Variants in SH3RF3 observed in about 807,000 individuals in gnomAD.
SH3RF3 encodes E3 ubiquitin-protein ligase SH3RF3.
Under a neutral mutation model 66.3 loss-of-function variants are expected in SH3RF3, and 29 were observed. That is an observed-to-expected ratio of 0.44 (90% CI 0.33 to 0.60). SH3RF3 has a LOEUF of 0.60. Ranked by LOEUF, SH3RF3 falls within the 20% of genes least tolerant of loss-of-function variation. The pLI, the probability that SH3RF3 is intolerant of heterozygous loss-of-function variation, is 0.04. For synonymous variants in SH3RF3, 583 were observed against 532.0 expected, an observed-to-expected ratio of 1.10 and a Z score of -1.32; for missense variants, 1,194 against 1,190.9, an observed-to-expected ratio of 1.00 and a Z score of -0.04.
intron 9 of SH3RF3, among the ~76,000 whole-genome samples, chr2:109,494,042 T>C (rs1302352406): frequency 6.6e-6 from 1 of 152,186 alleles, no homozygotes; most frequent in African/African-American, 2.4e-5. Flanking sequence ...AGAGTTGGTC[T>C]GCCGGCTCGT....
chr2:109,330,745 A>G (rs1164989537), intron 1 of SH3RF3, among the ~76,000 whole-genome samples: 1 of 152,192 alleles, frequency 6.6e-6, no homozygotes, highest in African/African-American at 2.4e-5. Flanking sequence ...AGATGGGTGG[A>G]TAAAGATAAT....
intron 1 of SH3RF3, among the ~76,000 whole-genome samples, chr2:109,175,271 C>T (rs1574487930): frequency 6.6e-6 from 1 of 152,178 alleles, no homozygotes; most frequent in African/African-American, 2.4e-5. Flanking sequence ...TTCATCCTTT[C>T]CCCTATTGGC....
At chr2:109,393,374 G>C (rs769895232) in intron 3 of SH3RF3, among the ~76,000 whole-genome samples, 1 of 152,198 alleles carries the variant, frequency 6.6e-6, no homozygotes, top group African/African-American at 2.4e-5. Flanking sequence ...CAGCATCGTC[G>C]TCTCTTGGGA....
chr2:109,384,077 G>T (rs1032190219), intron 3 of SH3RF3, among the ~76,000 whole-genome samples: 2 of 152,188 alleles, frequency 1.3e-5, no homozygotes, highest in Non-Finnish European at 2.9e-5. Flanking sequence ...GGTTTCTGTT[G>T]GTGGCTTAGC....
At chr2:109,139,332 C>G (rs1676884900) in intron 1 of SH3RF3, among the ~76,000 whole-genome samples, 1 of 151,576 alleles carries the variant, frequency 6.6e-6, no homozygotes, top group Non-Finnish European at 1.5e-5. Context: ...TTACTGAGTT[C>G]ATGATGCCCA....
intron 1 of SH3RF3, among the ~76,000 whole-genome samples, chr2:109,131,870 A>G (rs991955673): frequency 2.0e-5 from 3 of 152,210 alleles, no homozygotes; most frequent in African/African-American, 7.2e-5. Context: ...ATAGACGAGC[A>G]CTTATTTAAC....
chr2:109,164,209 T>A (rs1677562365), intron 1 of SH3RF3, among the ~76,000 whole-genome samples: 1 of 152,118 alleles, frequency 6.6e-6, no homozygotes, highest in African/African-American at 2.4e-5. Flanking sequence ...GTTGGGGCCT[T>A]GCTCTGTTGC....
intron 1 of SH3RF3, among the ~76,000 whole-genome samples, chr2:109,337,560 G>T (rs1287960572): frequency 6.6e-6 from 1 of 152,200 alleles, no homozygotes; most frequent in Non-Finnish European, 1.5e-5. Flanking sequence ...CTGCCCAAGA[G>T]GTCTGTGGAG....
At chr2:109,147,964 A>C (rs1306171965) in intron 1 of SH3RF3, among the ~76,000 whole-genome samples, 1 of 152,136 alleles carries the variant, frequency 6.6e-6, no homozygotes, top group African/African-American at 2.4e-5. Flanking sequence ...ATTTCTGCTG[A>C]TCTTTACAGG....
chr2:109,390,075 C>T (rs757341589), intron 3 of SH3RF3, among the ~76,000 whole-genome samples: 9 of 152,138 alleles, frequency 5.9e-5, no homozygotes, highest in Non-Finnish European at 8.8e-5. Flanking sequence ...CACACCCCAC[C>T]GGAGGGACTC....
At position 109,502,998 on chromosome 2, in the gene SH3RF3, C is replaced by G. The variant is rs536859883; in HGVS notation, c.*1327C>G. On this transcript the variant is annotated 3_prime_UTR_variant, in exon 10 of 10. Coordinates refer to ENST00000309415, the MANE Select transcript of SH3RF3 (RefSeq NM_001099289.3). Reference sequence around the variant, plus strand: ...CAGCACCGCTGCAGGCTTGCAAGATCGGGGAGTTGGGAGGGCGAGAGAGGA... The same window carrying G: ...CAGCACCGCTGCAGGCTTGCAAGATGGGGGAGTTGGGAGGGCGAGAGAGGA... 6.6e-6 allele frequency: 1 copy of G among 152,132 alleles called. No individual in the cohort carries two copies. The highest frequency in any genetic ancestry group is 2.4e-5 in the African/African-American group (1 of 41,428). 9.4% of individuals were successfully genotyped at this position (152,132 alleles called of 1,614,324 possible). A position where few individuals can be genotyped will look rare whatever the true frequency, so the allele number is the denominator to read the frequency against.
At chr2:109,399,080 C>A in intron 4 of SH3RF3, 137 bp downstream of exon 4, 1 of 1,036,408 alleles carries the variant, frequency 9.6e-7, no homozygotes, top group Non-Finnish European at 1.4e-6. Flanking sequence ...GTGGGGTTTG[C>A]CCTTTGCTGC....
intron 1 of SH3RF3, among the ~76,000 whole-genome samples, chr2:109,222,050 A>G (rs999195991): frequency 1.3e-5 from 2 of 152,168 alleles, no homozygotes; most frequent in Admixed American, 1.3e-4. Flanking sequence ...TTGCAGCAAC[A>G]TGGATGAAAC....
intron 1 of SH3RF3, among the ~76,000 whole-genome samples, chr2:109,161,307 G>C (rs1677484062): frequency 6.6e-6 from 1 of 152,114 alleles, no homozygotes; most frequent in Non-Finnish European, 1.5e-5. Context: ...TGTGTAGGAA[G>C]ACAAGGTGGG....
At chr2:109,464,941 GC>G (rs1278041907) in intron 8 of SH3RF3, among the ~76,000 whole-genome samples, 3 of 152,176 alleles carry the variant, frequency 2.0e-5, no homozygotes, top group Non-Finnish European at 4.4e-5. Flanking sequence ...TAGTTTGACT[GC>G]CCTAAAAATC....
chr2:109,143,654 T>C (rs150941592), intron 1 of SH3RF3, among the ~76,000 whole-genome samples: 1 of 152,108 alleles, frequency 6.6e-6, no homozygotes, highest in Non-Finnish European at 1.5e-5. Flanking sequence ...CATAAGAGGC[T>C]GAGGTAGGAG....
At chr2:109,432,312 C>T (rs1051833197) in intron 5 of SH3RF3, among the ~76,000 whole-genome samples, 189 bp from the exon 6 acceptor site, 1 of 152,140 alleles carries the variant, frequency 6.6e-6, no homozygotes, top group Non-Finnish European at 1.5e-5. Context: ...CTCCCTGCCT[C>T]GTGGGTTTGT....
intron 1 of SH3RF3, among the ~76,000 whole-genome samples, chr2:109,172,031 C>A (rs1385954047): frequency 1.3e-5 from 2 of 152,228 alleles, no homozygotes; most frequent in Non-Finnish European, 2.9e-5. Context: ...GCACTGTGGG[C>A]TCCATGAGGG....
intron 1 of SH3RF3, among the ~76,000 whole-genome samples, chr2:109,156,744 G>A (rs981333722): frequency 6.6e-6 from 1 of 152,014 alleles, no homozygotes; most frequent in African/African-American, 2.4e-5. Flanking sequence ...TGCCCGGCCT[G>A]AATTTTAAGT....
Sources: gnomAD v4.1 joint callset for allele counts (sites outside exome capture counted in the v4.1 genomes callset) on GRCh38, gnomAD v4.1.1 for gene constraint, MANE v1.5 for transcripts, NCBI Gene and HGNC (gene_info 2026-07-23, HGNC 2026-07-21) for gene names.